WASHC4: variants seen among roughly 807,000 people sequenced by gnomAD.
The protein encoded by WASHC4 is WASH complex subunit 4, also known as WASH complex subunit 7.
A neutral mutation model predicts 166.6 loss-of-function variants in WASHC4; 86 were observed. The observed-to-expected ratio is 0.52, with a 90% CI of 0.43 to 0.62. The LOEUF (loss-of-function observed/expected upper bound fraction) is 0.62, where lower values mean the gene tolerates loss of function less well. Among genes scored for constraint, WASHC4 ranks in the 20% least tolerant of loss-of-function variants. The pLI is 0.00. For missense variants in WASHC4, 1,262 were observed against 1,382.4 expected (o/e 0.91, Z 1.38); for synonymous variants, 446 against 451.6 (o/e 0.99, Z 0.16).
chr12:105,122,565 T>G (rs932644701), intron 10 of WASHC4, among the ~76,000 whole-genome samples: 2 of 152,088 alleles, frequency 1.3e-5, no homozygotes, highest in African/African-American at 4.8e-5. Context: ...CCCAGGTAAT[T>G]GCATTTTCTA....
chr12:105,126,208 C>A, intron 11 of WASHC4, 27 bp from the exon 12 acceptor site: 2 of 1,612,398 alleles, frequency 1.2e-6, no homozygotes, highest in Non-Finnish European at 1.7e-6. Flanking sequence ...ATTTGTTCTG[C>A]TTTCTCTTAT....
At chr12:105,157,047 G>T (rs929879988) in intron 27 of WASHC4, among the ~76,000 whole-genome samples, 189 bp from the exon 28 acceptor site, 1 of 152,068 alleles carries the variant, frequency 6.6e-6, no homozygotes, top group Non-Finnish European at 1.5e-5. Context: ...TGATTTTAAG[G>T]ATTAAAATAT....
intron 13 of WASHC4, among the ~76,000 whole-genome samples, chr12:105,129,534 A>T (rs1209846507): frequency 1.3e-5 from 2 of 152,232 alleles, no homozygotes; most frequent in African/African-American, 4.8e-5. Flanking sequence ...TTTATTGGTC[A>T]GATCATAGCT....
intron 25 of WASHC4, among the ~76,000 whole-genome samples, chr12:105,151,153 A>C (rs1436992767): frequency 2.0e-5 from 3 of 151,072 alleles, no homozygotes; most frequent in Non-Finnish European, 4.4e-5. Flanking sequence ...CTCAAAAAAA[A>C]AAAAAAAAAA....
At chr12:105,117,000 G>A (rs575622237) in intron 6 of WASHC4, among the ~76,000 whole-genome samples, 3 of 152,132 alleles carry the variant, frequency 2.0e-5, no homozygotes, top group Non-Finnish European at 4.4e-5. Context: ...AGTTGGTAAG[G>A]TCCCAGTAAA....
rs759631383 is a variant in WASHC4, at chr12:105,160,139, T to C, written c.3051T>C (p.Val1017=). Reference sequence around the variant, plus strand: ...ATCTCCGAAATTTCTATATAATTGTTCCCCCTCTGGTGAGTATTTCCAGAA... The same window carrying C: ...ATCTCCGAAATTTCTATATAATTGTCCCCCCTCTGGTGAGTATTTCCAGAA... ...NIHLRNFYII[V]PPLTLNFVEH... The change falls in exon 29 of 33, where the codon GTT becomes GTC. Residue 1017 remains valine (V), a synonymous_variant. Transcript: ENST00000332180. 2 of 1,613,606 alleles carry C rather than the reference T, an allele frequency of 1.2e-6. No individual in the cohort carries two copies. The highest frequency in any genetic ancestry group is 1.7e-6 in the Non-Finnish European group (2 of 1,179,604).
At position 105,136,934 on chromosome 12, in the gene WASHC4, A is replaced by T. The variant is rs1259255431; in HGVS notation, c.1327-952A>T. On this transcript the variant is annotated intron_variant, in intron 14 of 32. Coordinates refer to ENST00000332180, the MANE Select transcript of WASHC4 (RefSeq NM_015275.3). ...TTCCTTTAGTGAGCCACTGTTTCCG[A>T]TGGGAGAATACTTTCTTTCACATGT... Among the ~76,000 whole-genome samples the T allele has an allele frequency of 3.9e-5, 6 of 152,062 alleles. No homozygotes were observed. In the East Asian group the frequency reaches 1.2e-3, roughly 29 times the overall value.
At chr12:105,132,022 C>T (rs1881869740) in intron 13 of WASHC4, among the ~76,000 whole-genome samples, 1 of 152,182 alleles carries the variant, frequency 6.6e-6, no homozygotes, top group African/African-American at 2.4e-5. Flanking sequence ...TCTTCAGTTC[C>T]TTGCCCTGAA....
intron 14 of WASHC4, 39 bp from the exon 15 acceptor site, chr12:105,137,847 A>C (rs766879661): frequency 6.4e-7 from 1 of 1,555,320 alleles, no homozygotes; most frequent in Non-Finnish European, 8.9e-7. Flanking sequence ...CTTGAAGAAA[A>C]TCTTTCCTTG....
At chr12:105,135,695 C>CTGTTA (rs58019484) in intron 14 of WASHC4, among the ~76,000 whole-genome samples, 1 of 151,542 alleles carries the variant, frequency 6.6e-6, no homozygotes, top group Admixed American at 6.6e-5. Context: ...TGTCTCTAAT[C>CTGTTA]AATTCATCTA....
rs1212910683 is a variant in WASHC4 at position 105,130,331 on chromosome 12, A to G, written c.1199+3042A>G. Among the ~76,000 whole-genome samples the G allele has an allele frequency of 2.6e-5, 4 of 152,228 alleles. 1 individual carries two copies. The highest frequency in any genetic ancestry group is 2.0e-4 in the Admixed American group (3 of 15,282). ...TGTAGGCTGCTCTGTAGTCTCCTTCACTAAAGCTGTGTAGGCAGAATATAG... is the reference window on the plus strand; with the variant it reads ...TGTAGGCTGCTCTGTAGTCTCCTTCGCTAAAGCTGTGTAGGCAGAATATAG... On this transcript the variant is annotated intron_variant, in intron 13 of 32. Transcript: ENST00000332180.
intron 29 of WASHC4, 43 bp from the exon 30 acceptor site, chr12:105,162,706 C>T (rs2135843774): frequency 1.0e-6 from 1 of 979,354 alleles, no homozygotes; most frequent in East Asian, 2.4e-5. Context: ...TGAAGATTTT[C>T]TTAGCAAAAT....
chr12:105,133,658 G>C, intron 13 of WASHC4, 112 bp from the exon 14 acceptor site: 1 of 922,344 alleles, frequency 1.1e-6, no homozygotes, highest in Non-Finnish European at 1.7e-6. Flanking sequence ...TTTATCTTTT[G>C]AAAACCAGAA....
chr12:105,120,882 A>T (rs1230327797), intron 8 of WASHC4, among the ~76,000 whole-genome samples: 1 of 152,220 alleles, frequency 6.6e-6, no homozygotes, highest in Non-Finnish European at 1.5e-5. Flanking sequence ...GCAACTAAGG[A>T]TGAAATTTTG....
At chr12:105,141,145 C>CT (rs765117323) in intron 17 of WASHC4, 22 bp from the exon 18 acceptor site, 26 of 1,610,706 alleles carry the variant, frequency 1.6e-5, no homozygotes, top group African/African-American at 2.7e-5. Context: ...ACTTCTCTGC[C>CT]TTTTTTTCCT....
At chr12:105,114,300 T>A in intron 3 of WASHC4, 31 bp downstream of exon 3, 1 of 1,601,550 alleles carries the variant, frequency 6.2e-7, no homozygotes, top group Non-Finnish European at 8.5e-7. Context: ...AAAATTGTTT[T>A]AAAAATGTTT....
chr12:105,122,368 T>A (rs1880843712), intron 10 of WASHC4, 130 bp downstream of exon 10: 1 of 918,248 alleles, frequency 1.1e-6, no homozygotes, highest in Non-Finnish European at 1.7e-6. Flanking sequence ...GGCTTAAAAT[T>A]ATTGTTACAG....
chr12:105,139,451 A>ATATATATATT (rs1207616053), intron 15 of WASHC4, among the ~76,000 whole-genome samples: 2 of 144,784 alleles, frequency 1.4e-5, no homozygotes, highest in Non-Finnish European at 3.0e-5. Context: ...ATATATATAT[A>ATATATATATT]TATATATGCC....
rs770682782 is a variant in WASHC4 at position 105,133,848 on chromosome 12, G to T, written c.1278G>T (p.Met426Ile). The change falls in exon 14 of 33, where the codon ATG becomes ATT. Residue 426 changes from methionine to isoleucine, a missense_variant. By Grantham distance (10) the Met-to-Ile change is conservative (BLOSUM62 1). Coordinates refer to ENST00000332180, the MANE Select transcript of WASHC4 (RefSeq NM_015275.3). ...CTATTTTGTCTAAAGAGCAGAGAAT[G>T]GATAAATTTGCTGAAGATCTCACCA... ...MESILSKEQR[M>I]DKFAEDLTNR... The T allele has an allele frequency of 5.6e-6, 9 of 1,611,588 alleles. No homozygotes were observed. The highest frequency in any genetic ancestry group is 2.2e-5 in the South Asian group (2 of 91,036).
Sources: gnomAD v4.1 joint callset for allele counts (sites outside exome capture counted in the v4.1 genomes callset) on GRCh38, gnomAD v4.1.1 for gene constraint, MANE v1.5 for transcripts, NCBI Gene and HGNC (gene_info 2026-07-23, HGNC 2026-07-21) for gene names.